FBXW8: variants seen among roughly 807,000 people sequenced by gnomAD.
FBXW8 encodes F-box/WD repeat-containing protein 8.
In FBXW8, 57 loss-of-function variants were observed where a neutral mutation model predicts 65.3. The observed-to-expected ratio is 0.87, with a 90% CI of 0.71 to 1.09. FBXW8 has a LOEUF of 1.09. Among genes scored for constraint, FBXW8 ranks in the 50% least tolerant of loss-of-function variants. The pLI is 0.00. For missense variants in FBXW8, 777 were observed against 814.8 expected, an observed-to-expected ratio of 0.95 and a Z score of 0.57; for synonymous variants, 308 against 330.2, an observed-to-expected ratio of 0.93 and a Z score of 0.73.
At chr12:116,985,174 A>G in intron 5 of FBXW8, 32 bp from the exon 6 acceptor site, 2 of 1,535,048 alleles carry the variant, frequency 1.3e-6, no homozygotes, top group Non-Finnish European at 1.8e-6. Flanking sequence ...GTAAATTTAA[A>G]ATTGTTACCT....
chr12:116,935,136 T>G (rs906460509), intron 2 of FBXW8, among the ~76,000 whole-genome samples: 1 of 152,200 alleles, frequency 6.6e-6, no homozygotes, highest in Non-Finnish European at 1.5e-5. Context: ...TAGAAAAACG[T>G]GCATAAACAA....
intron 4 of FBXW8, among the ~76,000 whole-genome samples, chr12:116,959,636 C>T (rs1186475837): frequency 2.0e-5 from 3 of 152,268 alleles, no homozygotes; most frequent in Non-Finnish European, 2.9e-5. Flanking sequence ...GTATTTATTC[C>T]TTCTTATTCT....
intron 4 of FBXW8, among the ~76,000 whole-genome samples, chr12:116,963,461 G>A (rs140153855): frequency 1.4e-3 from 210 of 152,170 alleles, no homozygotes; most frequent in Middle Eastern, 6.8e-3. Flanking sequence ...CAAACTAGCC[G>A]GACATGGTGG....
chr12:117,014,364 T>G (rs1235149602), intron 8 of FBXW8, among the ~76,000 whole-genome samples: 2 of 152,250 alleles, frequency 1.3e-5, no homozygotes, highest in African/African-American at 2.4e-5. Context: ...CCTCGTGGAA[T>G]ATAGCTACAA....
At chr12:116,949,744 A>C (rs754254779) in intron 4 of FBXW8, 38 bp downstream of exon 4, 1 of 1,591,796 alleles carries the variant, frequency 6.3e-7, no homozygotes, top group Non-Finnish European at 8.6e-7. Flanking sequence ...TCTGCATCTG[A>C]AGGTCTTTCA....
chr12:117,025,482 G>GA (rs1381370910), intron 9 of FBXW8, among the ~76,000 whole-genome samples: 1 of 152,230 alleles, frequency 6.6e-6, no homozygotes, highest in Non-Finnish European at 1.5e-5. Flanking sequence ...CACAACCTCT[G>GA]AGCAGCGACA....
chr12:116,995,853 C>T (rs1565932530), intron 7 of FBXW8, among the ~76,000 whole-genome samples: 2 of 152,172 alleles, frequency 1.3e-5, no homozygotes, highest in South Asian at 2.1e-4. Flanking sequence ...ATGTAGCCTT[C>T]GTGCCCAAGC....
At chr12:117,005,911 G>C (rs1174412730) in intron 7 of FBXW8, among the ~76,000 whole-genome samples, 1 of 152,196 alleles carries the variant, frequency 6.6e-6, no homozygotes. Context: ...TCTTCCTCTC[G>C]TGCCTCTTCT....
intron 9 of FBXW8, 36 bp downstream of exon 9, chr12:117,024,356 G>A (rs1374843921): frequency 2.5e-6 from 4 of 1,610,866 alleles, no homozygotes; most frequent in South Asian, 1.1e-5. Flanking sequence ...GGAGTTCCTA[G>A]TAGGAACAGG....
At chr12:116,992,408 T>C (rs907001140) in intron 7 of FBXW8, among the ~76,000 whole-genome samples, 2 of 151,010 alleles carry the variant, frequency 1.3e-5, no homozygotes, top group Non-Finnish European at 2.9e-5. Flanking sequence ...CCTTTTTTTT[T>C]TGAAGATCAG....
rs144478244 is a variant in FBXW8 at position 116,930,553 on chromosome 12, A to G, written c.423+2426A>G. Among the ~76,000 whole-genome samples the G allele has an allele frequency of 4.6e-3, 704 of 152,260 alleles. 2 individuals carry two copies. The Middle Eastern group carries it at 0.048, about 10-fold the overall frequency. On this transcript the variant is annotated intron_variant, in intron 2 of 10. Transcript: ENST00000652555. ...GTAATATTTTGGATATTAACTGCTTATGAGATATATGGTTTGGAAATATTT... is the reference window on the plus strand; with the variant it reads ...GTAATATTTTGGATATTAACTGCTTGTGAGATATATGGTTTGGAAATATTT...
chr12:116,951,531 C>T (rs1184063143), intron 4 of FBXW8: 1 of 152,088 alleles, frequency 6.6e-6, no homozygotes, highest in Non-Finnish European at 1.5e-5. Flanking sequence ...CTTCTTTTTT[C>T]CTTCCCTTTT....
chr12:116,988,940 A>T, intron 7 of FBXW8, 71 bp downstream of exon 7: 1 of 1,421,472 alleles, frequency 7.0e-7, no homozygotes. Flanking sequence ...GAATTGAAAA[A>T]TTAAAGCTCT....
chr12:116,992,593 C>T (rs1286914088), intron 7 of FBXW8, among the ~76,000 whole-genome samples: 2 of 151,968 alleles, frequency 1.3e-5, no homozygotes, highest in East Asian at 1.9e-4. Context: ...CCTCCAATAC[C>T]ACTCTGTGCC....
At chr12:116,971,093 TAG>T (rs1884620842) in intron 5 of FBXW8, among the ~76,000 whole-genome samples, 1 of 152,136 alleles carries the variant, frequency 6.6e-6, no homozygotes, top group Admixed American at 6.6e-5. Context: ...TTAAAACATC[TAG>T]GCTGGGTGTG....
At chr12:117,015,957 A>G (rs1222278394) in intron 8 of FBXW8, among the ~76,000 whole-genome samples, 1 of 152,224 alleles carries the variant, frequency 6.6e-6, no homozygotes. Flanking sequence ...TGACTGGCTT[A>G]TTCCACTTAG....
At chr12:116,927,152 T>C (rs1475820345) in intron 1 of FBXW8, among the ~76,000 whole-genome samples, 1 of 152,102 alleles carries the variant, frequency 6.6e-6, no homozygotes, top group Non-Finnish European at 1.5e-5. Flanking sequence ...GGCAGGTGGA[T>C]TGGGAACAGG....
In FBXW8 at chr12:117,027,932, T is replaced by C. The variant is rs1954272894; in HGVS notation, c.1653-96T>C. ...GCGTTTGTGAAGCTGAACCTCTATC[T>C]GGTCTCAGGCGAACGCCTCCTGCAC... On this transcript the variant is annotated intron_variant, in intron 10 of 10. Coordinates refer to ENST00000652555, the MANE Select transcript of FBXW8 (RefSeq NM_153348.3). 4 of 1,520,996 alleles carry C rather than the reference T, an allele frequency of 2.6e-6. No homozygotes were observed. The East Asian group carries it at 6.9e-5, about 26-fold the overall frequency. The allele number at this position is 1,520,996 out of a possible 1,614,324, so 94.2% of individuals were successfully genotyped here. A position where few individuals can be genotyped will look rare whatever the true frequency, so the allele number is the denominator to read the frequency against.
intron 1 of FBXW8, among the ~76,000 whole-genome samples, chr12:116,918,786 A>G (rs745759870): frequency 6.6e-6 from 1 of 152,160 alleles, no homozygotes; most frequent in Non-Finnish European, 1.5e-5. Context: ...GGTTTCCTAA[A>G]TAGAGGAAGT....
Sources: gnomAD v4.1 joint callset for allele counts (sites outside exome capture counted in the v4.1 genomes callset) on GRCh38, gnomAD v4.1.1 for gene constraint, MANE v1.5 for transcripts, NCBI Gene and HGNC (gene_info 2026-07-23, HGNC 2026-07-21) for gene names.